The following WWTR1 variants were observed in gnomAD, a reference collection of about 807,000 sequenced individuals.
WWTR1 encodes WW domain containing transcription regulator 1.
WWTR1 carries 13 observed loss-of-function variants against 40.1 expected under a neutral mutation model. That is an observed-to-expected ratio of 0.32 (90% confidence interval 0.21 to 0.52). The LOEUF (loss-of-function observed/expected upper bound fraction) is 0.52. Among genes scored for constraint, WWTR1 ranks in the 20% least tolerant of loss-of-function variants. The probability of loss-of-function intolerance (pLI) is 0.97; values close to 1 mark genes in which losing one functional copy is unlikely to be tolerated. For synonymous variants in WWTR1, 230 were observed against 210.1 expected (o/e 1.09, Z -0.82); for missense variants, 436 against 523.1 (o/e 0.83, Z 1.63).
intron 2 of WWTR1, among the ~76,000 whole-genome samples, chr3:149,599,355 G>T (rs936390653): frequency 1.3e-5 from 2 of 152,202 alleles, no homozygotes; most frequent in African/African-American, 2.4e-5. Flanking sequence ...TCAAAAGTTG[G>T]CCAGTAATGG....
chr3:149,653,506 A>G (rs11928613), intron 2 of WWTR1, among the ~76,000 whole-genome samples: 17,836 of 152,212 alleles, frequency 0.12, 1,328 homozygotes, highest in East Asian at 0.28. Flanking sequence ...ACCATGCCCT[A>G]GTCATTGTTA....
At chr3:149,656,124 T>C (rs1182087298) in intron 2 of WWTR1, among the ~76,000 whole-genome samples, 2 of 152,228 alleles carry the variant, frequency 1.3e-5, no homozygotes, top group African/African-American at 4.8e-5. Flanking sequence ...TATTTTCCTG[T>C]GGGGTGTAAT....
intron 2 of WWTR1, among the ~76,000 whole-genome samples, chr3:149,591,793 G>A (rs1287879284): frequency 2.6e-5 from 4 of 152,262 alleles, no homozygotes; most frequent in South Asian, 2.1e-4. Flanking sequence ...AAAAGTTCAT[G>A]TTTAAATACT....
At chr3:149,684,379 G>A (rs1277272349) in intron 1 of WWTR1, among the ~76,000 whole-genome samples, 2 of 152,044 alleles carry the variant, frequency 1.3e-5, no homozygotes, top group African/African-American at 2.4e-5. Context: ...TGTATGGCTG[G>A]GACACGGGTG....
chr3:149,715,474 C>T (rs990976962), intron 5 of WWTR1, among the ~76,000 whole-genome samples: 2 of 152,236 alleles, frequency 1.3e-5, no homozygotes, highest in African/African-American at 4.8e-5. Flanking sequence ...CAGCAGCCGG[C>T]GTATTTGTGC....
chr3:149,709,760 C>T lies in WWTR1; in HGVS notation n.585-6432G>A, dbSNP rs574670813. Among the ~76,000 whole-genome samples the T allele has an allele frequency of 2.6e-4, 40 of 152,058 alleles. No individual in the cohort carries two copies. The East Asian group carries it at 5.8e-3, about 22-fold the overall frequency. ...TCTCTACTAAAAATACAAAATTAGC[C>T]GGGTGTGGTGGAACATGCCTGTGAT... On this transcript the variant is annotated intron_variant and non_coding_transcript_variant, in intron 5 of 6. Coordinates refer to the WWTR1 transcript ENST00000474080.
chr3:149,547,599 G>A (rs1736425699), intron 3 of WWTR1, among the ~76,000 whole-genome samples: 5 of 152,066 alleles, frequency 3.3e-5, no homozygotes, highest in Middle Eastern at 3.2e-3. Flanking sequence ...AGGGCAGACT[G>A]CCACAAACTG....
intron 4 of WWTR1, chr3:149,540,079 TACACACACACACACAC>T (rs202144589): frequency 1.1e-4 from 30 of 272,108 alleles, no homozygotes; most frequent in South Asian, 2.3e-4. Flanking sequence ...TCCTCCTAAC[TACACACACACACACAC>T]ACACACACAC....
intron 2 of WWTR1, among the ~76,000 whole-genome samples, chr3:149,653,467 G>T (rs1039211402): frequency 1.3e-5 from 2 of 152,182 alleles, no homozygotes; most frequent in African/African-American, 2.4e-5. Flanking sequence ...GAGATGGGGT[G>T]GGGGTGGTAG....
At chr3:149,533,698 G>A (rs1427271842) in intron 4 of WWTR1, among the ~76,000 whole-genome samples, 1 of 152,048 alleles carries the variant, frequency 6.6e-6, no homozygotes, top group African/African-American at 2.4e-5. Context: ...TCCCAGTTCA[G>A]TTACTACATG....
chr3:149,649,917 CAAAAAAAAAA>C (rs371649866), intron 2 of WWTR1: 1 of 105,456 alleles, frequency 9.5e-6, no homozygotes, highest in Non-Finnish European at 1.9e-5. Context: ...AACGCTATCT[CAAAAAAAAAA>C]AAAAAAAAAA....
chr3:149,543,360 A>T (rs1736210562), intron 3 of WWTR1, among the ~76,000 whole-genome samples: 1 of 152,102 alleles, frequency 6.6e-6, no homozygotes, highest in Non-Finnish European at 1.5e-5. Context: ...AGGCGAACGG[A>T]TCATGAGGTC....
At chr3:149,559,300 AAAAAAAAAAAAAAG>A (rs1232212017) in intron 3 of WWTR1, among the ~76,000 whole-genome samples, 3 of 150,380 alleles carry the variant, frequency 2.0e-5, no homozygotes, top group Non-Finnish European at 3.0e-5. Context: ...TCTCAAAAAA[AAAAAAAAAAAAAAG>A]AAAAGAAAAG....
At chr3:149,674,251 C>G (rs1471670807) in intron 1 of WWTR1, among the ~76,000 whole-genome samples, 2 of 150,474 alleles carry the variant, frequency 1.3e-5, no homozygotes, top group African/African-American at 4.9e-5. Context: ...CTCTCTCTCT[C>G]TGTCTGTCTT....
chr3:149,584,582 T>C (rs947833495), intron 2 of WWTR1, among the ~76,000 whole-genome samples: 2 of 152,202 alleles, frequency 1.3e-5, no homozygotes, highest in African/African-American at 4.8e-5. Context: ...GGGACCAACT[T>C]AGGCTTCAGA....
chr3:149,612,376 G>GAA (rs1401313991), intron 2 of WWTR1, among the ~76,000 whole-genome samples: 3 of 132,662 alleles, frequency 2.3e-5, no homozygotes, highest in Non-Finnish European at 1.6e-5. Context: ...GAGGGGAAAA[G>GAA]AAAAAAAAAA....
chr3:149,547,846 T>C (rs1384565346), intron 3 of WWTR1, among the ~76,000 whole-genome samples: 3 of 150,700 alleles, frequency 2.0e-5, no homozygotes, highest in East Asian at 1.9e-4. Context: ...TTTTTAATAA[T>C]TGGCTTTCTC....
At chr3:149,681,010 T>C (rs1714444904) in intron 1 of WWTR1, among the ~76,000 whole-genome samples, 1 of 152,256 alleles carries the variant, frequency 6.6e-6, no homozygotes, top group South Asian at 2.1e-4. Context: ...AGAACATACA[T>C]CTGTAGTACC....
At chr3:149,713,110 T>G (rs1025830446) in intron 5 of WWTR1, among the ~76,000 whole-genome samples, 6 of 152,106 alleles carry the variant, frequency 3.9e-5, no homozygotes, top group Admixed American at 6.5e-5. Context: ...AAGGTAATAC[T>G]CAGAAAAGAA....
Sources: gnomAD v4.1 joint callset for allele counts (sites outside exome capture counted in the v4.1 genomes callset) on GRCh38, gnomAD v4.1.1 for gene constraint, MANE v1.5 for transcripts, NCBI Gene and HGNC (gene_info 2026-07-23, HGNC 2026-07-21) for gene names.